The following SMYD3 variants were observed in gnomAD, a reference collection of about 807,000 sequenced individuals.
SMYD3 encodes the protein histone-lysine N-methyltransferase SMYD3.
Under a neutral mutation model 57.7 loss-of-function variants are expected in SMYD3, and 36 were observed. That is an observed-to-expected ratio of 0.62 (90% CI 0.48 to 0.82). SMYD3 has a LOEUF of 0.82. Among genes scored for constraint, SMYD3 ranks in the 40% least tolerant of loss-of-function variants. The pLI, the probability that SMYD3 is intolerant of heterozygous loss-of-function variation, is 0.00. For missense variants in SMYD3, 515 were observed against 538.8 expected, an observed-to-expected ratio of 0.96 and a Z score of 0.44; for synonymous variants, 211 against 195.0, an observed-to-expected ratio of 1.08 and a Z score of -0.68.
At chr1:246,135,902 T>C (rs761892263) in intron 5 of SMYD3, among the ~76,000 whole-genome samples, 16 of 152,180 alleles carry the variant, frequency 1.1e-4, no homozygotes, top group Non-Finnish European at 1.9e-4. Context: ...TTTAAAGGCC[T>C]CTAGGATTGT....
intron 1 of SMYD3, among the ~76,000 whole-genome samples, chr1:246,406,738 T>G (rs973353490): frequency 6.6e-6 from 1 of 152,198 alleles, no homozygotes; most frequent in African/African-American, 2.4e-5. Flanking sequence ...CAGGATCACA[T>G]AGCTAGTAAG....
intron 8 of SMYD3, among the ~76,000 whole-genome samples, chr1:245,893,130 C>T (rs2053500440): frequency 1.3e-5 from 2 of 152,152 alleles, no homozygotes; most frequent in Admixed American, 6.5e-5. Context: ...CATTACAGTA[C>T]TGCAAATTAA....
chr1:245,967,401 T>A (rs1227616634), intron 5 of SMYD3, among the ~76,000 whole-genome samples: 1 of 152,238 alleles, frequency 6.6e-6, no homozygotes, highest in Non-Finnish European at 1.5e-5. Flanking sequence ...TAGACCTTCC[T>A]ATCAACTCAG....
rs536725509 is a variant in SMYD3 at position 246,198,006 on chromosome 1, C to T, written c.531+129195G>A. On this transcript the variant is annotated intron_variant, in intron 5 of 11. Coordinates refer to ENST00000490107, the MANE Select transcript of SMYD3 (RefSeq NM_001167740.2). The stretch of plus-strand genomic sequence containing the variant: ...GGATAAAACTGCTGGATCTGAATCC[C>T]GTTCCCCTGTCTAAGTTGATTTTTA... 3.9e-5 allele frequency among the ~76,000 whole-genome samples: 6 copies of T among 152,264 alleles called. No individual in the cohort carries two copies. In the East Asian group the frequency reaches 7.7e-4, roughly 20 times the overall value.
chr1:246,336,236 G>A (rs1006417135), intron 2 of SMYD3, among the ~76,000 whole-genome samples: 2 of 152,154 alleles, frequency 1.3e-5, no homozygotes, highest in African/African-American at 4.8e-5. Flanking sequence ...TTGAGCCTTG[G>A]ATCAGAAAGG....
chr1:246,138,845 C>T (rs1486464272), intron 5 of SMYD3, among the ~76,000 whole-genome samples: 1 of 152,130 alleles, frequency 6.6e-6, no homozygotes, highest in Non-Finnish European at 1.5e-5. Flanking sequence ...GTCAAGTTTG[C>T]TAGACATAAT....
intron 2 of SMYD3, among the ~76,000 whole-genome samples, chr1:246,339,241 A>C (rs1184987002): frequency 6.6e-6 from 1 of 152,104 alleles, no homozygotes; most frequent in Non-Finnish European, 1.5e-5. Flanking sequence ...CCGCATCTCT[A>C]CTTCCCTTCT....
intron 5 of SMYD3, among the ~76,000 whole-genome samples, chr1:246,198,817 C>T (rs560972882): frequency 6.6e-5 from 10 of 152,134 alleles, no homozygotes; most frequent in African/African-American, 1.7e-4. Flanking sequence ...TTAATATAAA[C>T]GATTAAGGGT....
intron 8 of SMYD3, among the ~76,000 whole-genome samples, chr1:245,882,967 G>C (rs908980387): frequency 6.6e-6 from 1 of 152,166 alleles, no homozygotes; most frequent in African/African-American, 2.4e-5. Context: ...GAAAGGGTAG[G>C]CTGTGCTTCG....
chr1:246,415,610 G>C (rs992851274), intron 1 of SMYD3, among the ~76,000 whole-genome samples: 8 of 152,004 alleles, frequency 5.3e-5, no homozygotes, highest in African/African-American at 1.9e-4. Flanking sequence ...TTTTTTTAAA[G>C]ACCAGTGAAC....
At chr1:245,976,141 C>T (rs61839402) in intron 5 of SMYD3, among the ~76,000 whole-genome samples, 530 of 25,014 alleles carry the variant, frequency 0.021, no homozygotes, top group Non-Finnish European at 0.036. Flanking sequence ...GTCTCCGGCC[C>T]AGGGAAAGCC....
intron 5 of SMYD3, among the ~76,000 whole-genome samples, chr1:246,103,149 G>C (rs138862525): frequency 6.6e-6 from 1 of 152,234 alleles, no homozygotes; most frequent in East Asian, 1.9e-4. Flanking sequence ...AATGAATATA[G>C]GGAGTTCAAA....
chr1:246,338,583 T>C (rs1160997166), intron 2 of SMYD3, among the ~76,000 whole-genome samples: 2 of 152,168 alleles, frequency 1.3e-5, no homozygotes, highest in Non-Finnish European at 1.5e-5. Flanking sequence ...AAGCATGAAC[T>C]GGCTTGAGAG....
intron 10 of SMYD3, among the ~76,000 whole-genome samples, chr1:245,795,873 T>A (rs1320730707): frequency 6.6e-6 from 1 of 152,238 alleles, no homozygotes; most frequent in Non-Finnish European, 1.5e-5. Flanking sequence ...CTAAATACTA[T>A]TCTCAGCCTT....
chr1:246,452,776 T>C (rs143370817), intron 1 of SMYD3, among the ~76,000 whole-genome samples: 64 of 152,294 alleles, frequency 4.2e-4, no homozygotes, highest in African/African-American at 1.5e-3. Flanking sequence ...CTTAGCAAAA[T>C]AGCAATAGAT....
At chr1:245,755,329 G>A (rs1243962247) in intron 11 of SMYD3, among the ~76,000 whole-genome samples, 1 of 152,120 alleles carries the variant, frequency 6.6e-6, no homozygotes, top group Non-Finnish European at 1.5e-5. Flanking sequence ...GGTCTCTTTT[G>A]GTATTATAGT....
At chr1:246,490,089 T>C (rs1212788990) in intron 1 of SMYD3, among the ~76,000 whole-genome samples, 2 of 151,290 alleles carry the variant, frequency 1.3e-5, no homozygotes, top group African/African-American at 4.9e-5. Flanking sequence ...TGATCTCACC[T>C]TGACCTCCCA....
chr1:246,168,247 T>C lies in SMYD3; in HGVS notation c.531+158954A>G, dbSNP rs142689316. On this transcript the variant is annotated intron_variant, in intron 5 of 11. Coordinates refer to ENST00000490107, the MANE Select transcript of SMYD3 (RefSeq NM_001167740.2). ...AATGTTTCAAAAGCCAATAAAAGTA[T>C]GCACAGGTAGCACGTTCATGTAATT... Among the ~76,000 whole-genome samples, 19 of 152,306 alleles carry C rather than the reference T, an allele frequency of 1.2e-4. 1 individual carries two copies. In the East Asian group the frequency reaches 3.3e-3, roughly 26 times the overall value.
chr1:246,055,311 G>A (rs758407480), intron 5 of SMYD3, among the ~76,000 whole-genome samples: 9 of 152,068 alleles, frequency 5.9e-5, no homozygotes, highest in Non-Finnish European at 7.4e-5. Context: ...GACTAAACAC[G>A]AGCTGGGTGC....
Sources: allele counts gnomAD v4.1 joint callset (sites outside exome capture counted in the v4.1 genomes callset), GRCh38; gene constraint gnomAD v4.1.1; transcripts MANE v1.5; gene names NCBI Gene and HGNC (gene_info 2026-07-23, HGNC 2026-07-21).